Variants in MARCHF1 observed in about 807,000 individuals in gnomAD.
The protein encoded by MARCHF1 is membrane associated ring-CH-type finger 1.
MARCHF1 carries 40 observed loss-of-function variants against 54.2 expected under a neutral mutation model. That is an observed-to-expected ratio of 0.74 (90% CI 0.57 to 0.96). The LOEUF (loss-of-function observed/expected upper bound fraction) is 0.96. MARCHF1 is among the 40% of genes least tolerant of loss of function. The pLI is 0.00. For missense variants in MARCHF1, 586 were observed against 656.5 expected (o/e 0.89, Z 1.17); for synonymous variants, 236 against 236.3 (o/e 1.00, Z 0.01).
intron 3 of MARCHF1, among the ~76,000 whole-genome samples, chr4:163,928,763 G>A (rs1454761551): frequency 6.6e-6 from 1 of 151,924 alleles, no homozygotes; most frequent in East Asian, 1.9e-4. Context: ...GACATGCTGA[G>A]AGTGGTAAAA....
chr4:164,083,828 C>T (rs1422031286), intron 2 of MARCHF1, among the ~76,000 whole-genome samples: 1 of 152,064 alleles, frequency 6.6e-6, no homozygotes, highest in Non-Finnish European at 1.5e-5. Flanking sequence ...ACCTCCAACA[C>T]TACAATATTA....
intron 2 of MARCHF1, among the ~76,000 whole-genome samples, chr4:163,999,680 AATGG>A (rs1320683926): frequency 6.6e-6 from 1 of 151,634 alleles, no homozygotes; most frequent in Non-Finnish European, 1.5e-5. Context: ...AGAAAATAAT[AATGG>A]CAACATTAAT....
At chr4:164,018,092 C>T (rs184636607) in intron 2 of MARCHF1, among the ~76,000 whole-genome samples, 3 of 151,810 alleles carry the variant, frequency 2.0e-5, no homozygotes, top group South Asian at 2.1e-4. Flanking sequence ...TGGTAATATC[C>T]GTGTATATAT....
intron 2 of MARCHF1, among the ~76,000 whole-genome samples, chr4:163,995,736 C>T (rs1300989831): frequency 6.6e-6 from 1 of 151,984 alleles, no homozygotes; most frequent in African/African-American, 2.4e-5. Context: ...TTATAAAGCA[C>T]CCTACCATTT....
At chr4:163,757,904 G>T (rs1234559216) in intron 4 of MARCHF1, among the ~76,000 whole-genome samples, 1 of 152,140 alleles carries the variant, frequency 6.6e-6, no homozygotes, top group Non-Finnish European at 1.5e-5. Flanking sequence ...CTTGAGTCCA[G>T]CCTATTAATA....
intron 4 of MARCHF1, among the ~76,000 whole-genome samples, chr4:163,809,369 G>T (rs1056054637): frequency 6.6e-6 from 1 of 152,192 alleles, no homozygotes; most frequent in African/African-American, 2.4e-5. Context: ...CCACTCTGCT[G>T]TGACATTTGC....
intron 1 of MARCHF1, among the ~76,000 whole-genome samples, chr4:164,236,603 A>C (rs927263554): frequency 3.3e-5 from 5 of 152,124 alleles, no homozygotes; most frequent in Non-Finnish European, 7.4e-5. Flanking sequence ...TGTCTTGTTT[A>C]ACCTAAGCTG....
At chr4:163,872,916 C>A (rs552395204) in intron 3 of MARCHF1, among the ~76,000 whole-genome samples, 56 of 151,978 alleles carry the variant, frequency 3.7e-4, no homozygotes, top group Admixed American at 3.0e-3. Flanking sequence ...TGGTGGCGGG[C>A]GCCTGTAGTC....
At chr4:164,272,821 G>A (rs972124107) in intron 1 of MARCHF1, among the ~76,000 whole-genome samples, 1 of 151,384 alleles carries the variant, frequency 6.6e-6, no homozygotes, top group South Asian at 2.1e-4. Context: ...CAATAAAAAT[G>A]AGAAAATAAA....
At chr4:163,890,798 C>T (rs10016316) in intron 3 of MARCHF1, among the ~76,000 whole-genome samples, 6 of 152,144 alleles carry the variant, frequency 3.9e-5, no homozygotes, top group South Asian at 4.1e-4. Context: ...TTTGACCCAC[C>T]GGAACCCGGC....
chr4:163,828,126 G>T (rs890583841), intron 4 of MARCHF1, among the ~76,000 whole-genome samples: 2 of 151,006 alleles, frequency 1.3e-5, no homozygotes, highest in African/African-American at 4.9e-5. Flanking sequence ...TATGCTTTTG[G>T]TTTACTTTAA....
At chr4:164,203,056 C>T (rs78692623) in intron 1 of MARCHF1, among the ~76,000 whole-genome samples, 2,462 of 151,910 alleles carry the variant, frequency 0.016, 40 homozygotes, top group Non-Finnish European at 0.021. Context: ...GAGCTGTTCG[C>T]CCCCTCTCTC....
At chr4:163,937,073 T>C (rs1165279393) in intron 3 of MARCHF1, among the ~76,000 whole-genome samples, 1 of 152,196 alleles carries the variant, frequency 6.6e-6, no homozygotes, top group Non-Finnish European at 1.5e-5. Flanking sequence ...TATTCATCTC[T>C]AATTGACCAT....
chr4:164,325,199 G>A (rs1735242207), intron 1 of MARCHF1, among the ~76,000 whole-genome samples: 1 of 151,628 alleles, frequency 6.6e-6, no homozygotes, highest in Non-Finnish European at 1.5e-5. Flanking sequence ...AATAATGAAA[G>A]ATGCAGGTAA....
At chr4:163,628,586 C>T (rs180676714) in intron 5 of MARCHF1, among the ~76,000 whole-genome samples, 30 of 152,208 alleles carry the variant, frequency 2.0e-4, no homozygotes, top group Non-Finnish European at 3.4e-4. Context: ...GGTATTCAAA[C>T]AGGAAGAGAG....
chr4:164,175,637 C>T (rs904584004), intron 1 of MARCHF1, among the ~76,000 whole-genome samples: 4 of 152,194 alleles, frequency 2.6e-5, no homozygotes, highest in African/African-American at 7.2e-5. Context: ...TGTAAGTAGA[C>T]TTAATCTAAT....
chr4:163,992,126 G>T (rs1283300372), intron 2 of MARCHF1, among the ~76,000 whole-genome samples: 2 of 124,318 alleles, frequency 1.6e-5, no homozygotes, highest in African/African-American at 3.0e-5. Context: ...AATTAATCAA[G>T]AAAGGAAACC....
intron 9 of MARCHF1, among the ~76,000 whole-genome samples, chr4:163,537,994 T>C (rs989714939): frequency 1.1e-4 from 16 of 152,198 alleles, no homozygotes; most frequent in Non-Finnish European, 1.8e-4. Context: ...AGGCTTAAGA[T>C]AGTTTGTAGT....
chr4:163,893,416 G>T (rs1750707234), intron 3 of MARCHF1, among the ~76,000 whole-genome samples: 1 of 152,158 alleles, frequency 6.6e-6, no homozygotes, highest in Non-Finnish European at 1.5e-5. Flanking sequence ...CAGGATTACA[G>T]GCGTGAGCCA....
Sources: allele counts gnomAD v4.1 joint callset (sites outside exome capture counted in the v4.1 genomes callset), GRCh38; gene constraint gnomAD v4.1.1; transcripts MANE v1.5; gene names NCBI Gene and HGNC (gene_info 2026-07-23, HGNC 2026-07-21).